The following TAB2 variants were observed in gnomAD, a reference collection of about 807,000 sequenced individuals.
TAB2 encodes the protein TGF-beta activated kinase 1 (MAP3K7) binding protein 2.
In TAB2, 3 loss-of-function variants were observed where a neutral mutation model predicts 65.0. The ratio of observed to expected loss-of-function variants is 0.05; its 90% CI spans 0.02 to 0.12. TAB2 has a LOEUF of 0.12. Among genes scored for constraint, TAB2 ranks in the 10% least tolerant of loss-of-function variants. The pLI is 1.00. For missense variants in TAB2, 623 were observed against 840.3 expected, an observed-to-expected ratio of 0.74 and a Z score of 3.20; for synonymous variants, 298 against 285.1, an observed-to-expected ratio of 1.05 and a Z score of -0.46.
chr6:149,244,326 A>G (rs1284016344), intron 1 of TAB2: 1 of 152,250 alleles, frequency 6.6e-6, no homozygotes, highest in Non-Finnish European at 1.5e-5. Context: ...CCTGCCCTCA[A>G]GTGACTTATA....
chr6:149,362,003 T>C (rs1195621704), intron 1 of TAB2, among the ~76,000 whole-genome samples: 1 of 152,210 alleles, frequency 6.6e-6, no homozygotes, highest in Admixed American at 6.5e-5. Flanking sequence ...CCTGTCCATA[T>C]CACTATCAAG....
intron 1 of TAB2, among the ~76,000 whole-genome samples, chr6:149,337,131 T>A (rs972994131): frequency 1.3e-5 from 2 of 152,182 alleles, no homozygotes; most frequent in Non-Finnish European, 2.9e-5. Context: ...ATTATGGTTT[T>A]TATTAGACTC....
intron 3 of TAB2, among the ~76,000 whole-genome samples, chr6:149,397,398 A>C (rs1782208353): frequency 6.6e-6 from 1 of 151,968 alleles, no homozygotes; most frequent in Non-Finnish European, 1.5e-5. Flanking sequence ...CCGAGATCGC[A>C]CCATTGCACT....
intron 1 of TAB2, among the ~76,000 whole-genome samples, chr6:149,303,517 A>G (rs1779005717): frequency 6.6e-6 from 1 of 152,228 alleles, no homozygotes; most frequent in Admixed American, 6.5e-5. Context: ...AAATATAAAC[A>G]TACATAAATC....
At chr6:149,314,946 C>T (rs1474562813), upstream of TAB2, among the ~76,000 whole-genome samples, 1 of 149,954 alleles carries the variant, frequency 6.7e-6, no homozygotes, top group Non-Finnish European at 1.5e-5. Context: ...TTTCTCCAGT[C>T]TTGAGGATAA....
chr6:149,237,369 G>A (rs1777513753), intron 1 of TAB2, among the ~76,000 whole-genome samples: 2 of 152,090 alleles, frequency 1.3e-5, no homozygotes, highest in Non-Finnish European at 2.9e-5. Context: ...ATCTGTTAAG[G>A]AGCAAGTCCC....
intron 1 of TAB2, among the ~76,000 whole-genome samples, chr6:149,251,312 C>T (rs1394187081): frequency 6.6e-6 from 1 of 152,184 alleles, no homozygotes; most frequent in East Asian, 1.9e-4. Flanking sequence ...TTTCATAAGT[C>T]TCTGGGGGAA....
At chr6:149,342,339 A>G (rs1780155749) in intron 1 of TAB2, among the ~76,000 whole-genome samples, 1 of 152,140 alleles carries the variant, frequency 6.6e-6, no homozygotes, top group Admixed American at 6.5e-5. Context: ...TACATTTCCA[A>G]TTTTGGATTT....
chr6:149,326,007 G>T (rs1403712075), intron 1 of TAB2, among the ~76,000 whole-genome samples: 2 of 152,174 alleles, frequency 1.3e-5, no homozygotes, highest in African/African-American at 4.8e-5. Flanking sequence ...CCACCTAAGT[G>T]TTGGGATTAT....
intron 1 of TAB2, among the ~76,000 whole-genome samples, chr6:149,308,439 T>C (rs1424367546): frequency 2.0e-5 from 3 of 152,148 alleles, no homozygotes; most frequent in African/African-American, 4.8e-5. Flanking sequence ...TTTGTTAGAG[T>C]GAAATTGACT....
At position 149,377,068 on chromosome 6, in the gene TAB2, T is replaced by A. The variant is rs9498339; in HGVS notation, c.103-950T>A. 3.6e-3 allele frequency among the ~76,000 whole-genome samples: 295 copies of A among 82,588 alleles called. 5 individuals are homozygous for A. The highest frequency in any genetic ancestry group is 6.1e-3 in the African/African-American group (137 of 22,464). The allele number at this position is 82,588 out of a possible 152,430, so 54.2% of individuals were successfully genotyped here. A position where few individuals can be genotyped will look rare whatever the true frequency, so the allele number is the denominator to read the frequency against. On this transcript the variant is annotated intron_variant, in intron 2 of 6. Transcript: ENST00000637181. Reference sequence around the variant, plus strand: ...GAACTTTAAATGCTACAAATGTAACTTATTTTTTTTTTTTTTTTTGAGACA... The same window carrying A: ...GAACTTTAAATGCTACAAATGTAACATATTTTTTTTTTTTTTTTTGAGACA...
chr6:149,384,158 A>G (rs1002638333), intron 3 of TAB2, among the ~76,000 whole-genome samples: 2 of 152,216 alleles, frequency 1.3e-5, no homozygotes, highest in African/African-American at 4.8e-5. Context: ...GAGTAGAAAA[A>G]TAAGTGGAGC....
In TAB2 at chr6:149,272,003, C is replaced by G. The variant is rs145763055; in HGVS notation, c.-121+53227C>G. Among the ~76,000 whole-genome samples, 27 of 152,140 alleles carry G rather than the reference C, an allele frequency of 1.8e-4. No individual in the cohort carries two copies. In the East Asian group the frequency reaches 5.2e-3, roughly 29 times the overall value. On this transcript the variant is annotated intron_variant, in intron 1 of 1. Transcript: ENST00000606202. Reference sequence around the variant, plus strand: ...CACAGTCCCTAGCCCCACCCCCAACCCCCCAAAGACTGAGTTAGTGAAGTA... The same window carrying G: ...CACAGTCCCTAGCCCCACCCCCAACGCCCCAAAGACTGAGTTAGTGAAGTA...
At chr6:149,240,643 A>G (rs2114642028) in intron 1 of TAB2, among the ~76,000 whole-genome samples, 1 of 152,106 alleles carries the variant, frequency 6.6e-6, no homozygotes, top group South Asian at 2.1e-4. Flanking sequence ...TTATTTTTCT[A>G]CTCTTTCTAC....
chr6:149,327,711 C>T (rs1253752354), intron 1 of TAB2, among the ~76,000 whole-genome samples: 4 of 152,088 alleles, frequency 2.6e-5, no homozygotes, highest in Non-Finnish European at 4.4e-5. Context: ...TTAGCATGTA[C>T]CTGAATTGTA....
chr6:149,297,344 A>G (rs1778893544), intron 1 of TAB2, among the ~76,000 whole-genome samples: 1 of 152,208 alleles, frequency 6.6e-6, no homozygotes, highest in Non-Finnish European at 1.5e-5. Context: ...TCTTAGTCAT[A>G]TCCATGACTT....
rs562234469 is a variant in TAB2 at position 149,277,301 on chromosome 6, T to C, written c.-121+58525T>C. Among the ~76,000 whole-genome samples the C allele has an allele frequency of 1.1e-4, 16 of 152,324 alleles. No individual in the cohort carries two copies. In the South Asian group the frequency reaches 3.1e-3, roughly 30 times the overall value. On this transcript the variant is annotated intron_variant, in intron 1 of 1. Coordinates refer to the TAB2 transcript ENST00000606202. Reference sequence around the variant, plus strand: ...AAATGTCTATAAATGAAAAGTCTGATTAAATAAAATAAGATGCATTCCTAC... The same window carrying C: ...AAATGTCTATAAATGAAAAGTCTGACTAAATAAAATAAGATGCATTCCTAC...
intron 1 of TAB2, among the ~76,000 whole-genome samples, chr6:149,353,893 T>G (rs888828355): frequency 6.6e-6 from 1 of 152,200 alleles, no homozygotes; most frequent in African/African-American, 2.4e-5. Flanking sequence ...TGTATTTGTG[T>G]GTGTATACAT....
intron 3 of TAB2, among the ~76,000 whole-genome samples, chr6:149,382,663 T>C (rs965523536): frequency 6.6e-6 from 1 of 152,044 alleles, no homozygotes; most frequent in Non-Finnish European, 1.5e-5. Flanking sequence ...TCATATAATG[T>C]CTTTCTTTCC....
Sources: gnomAD v4.1 joint callset for allele counts (sites outside exome capture counted in the v4.1 genomes callset) on GRCh38, gnomAD v4.1.1 for gene constraint, MANE v1.5 for transcripts, NCBI Gene and HGNC (gene_info 2026-07-23, HGNC 2026-07-21) for gene names.